DOCK2: variants seen among roughly 807,000 people sequenced by gnomAD.
The protein encoded by DOCK2 is dedicator of cytokinesis protein 2.
A neutral mutation model predicts 248.9 loss-of-function variants in DOCK2; 87 were observed. The ratio of observed to expected loss-of-function variants is 0.35; its 90% CI spans 0.29 to 0.42. DOCK2 has a LOEUF of 0.42. Ranked by LOEUF, DOCK2 falls within the 10% of genes least tolerant of loss-of-function variation. The probability of loss-of-function intolerance (pLI) is 1.00; values close to 1 mark genes in which losing one functional copy is unlikely to be tolerated. For missense variants in DOCK2, 1,747 were observed against 2,300.2 expected (o/e 0.76, Z 4.92); for synonymous variants, 805 against 821.6 (o/e 0.98, Z 0.35).
At chr5:169,674,520 T>C in intron 6 of DOCK2, 75 bp downstream of exon 6, 2 of 1,566,802 alleles carry the variant, frequency 1.3e-6, no homozygotes, top group Middle Eastern at 1.7e-4. Context: ...CCCAGAAGCT[T>C]GTTTTCATTT....
At chr5:170,008,651 A>C in intron 31 of DOCK2, 37 bp from the exon 32 acceptor site, 1 of 1,614,056 alleles carries the variant, frequency 6.2e-7, no homozygotes. Context: ...AGATCCTCTG[A>C]GATGGTGCCT....
chr5:170,049,677 T>G (rs1756846201), intron 40 of DOCK2, among the ~76,000 whole-genome samples: 1 of 152,132 alleles, frequency 6.6e-6, no homozygotes, highest in African/African-American at 2.4e-5. Context: ...ACCCCGTAGG[T>G]TCTAGTAGCA....
At chr5:169,654,804 G>C (rs549011070) in intron 2 of DOCK2, among the ~76,000 whole-genome samples, 38 of 152,288 alleles carry the variant, frequency 2.5e-4, no homozygotes, top group Admixed American at 9.8e-4. Context: ...AGGGAAATAA[G>C]CATCATTAGG....
At chr5:169,927,853 T>TGAG (rs1775549505) in intron 27 of DOCK2, among the ~76,000 whole-genome samples, 1 of 152,146 alleles carries the variant, frequency 6.6e-6, no homozygotes, top group Non-Finnish European at 1.5e-5. Context: ...CCTGACCTCA[T>TGAG]GATCCACCCG....
chr5:170,017,189 G>A (rs1341745858), intron 32 of DOCK2, among the ~76,000 whole-genome samples: 1 of 152,094 alleles, frequency 6.6e-6, no homozygotes, highest in African/African-American at 2.4e-5. Flanking sequence ...CCTTGTCTGA[G>A]CTTTAATCGC....
intron 27 of DOCK2, among the ~76,000 whole-genome samples, chr5:169,901,662 T>A (rs1260734334): frequency 6.6e-6 from 1 of 152,048 alleles, no homozygotes; most frequent in Non-Finnish European, 1.5e-5. Context: ...AGTATTACAT[T>A]AGTTAGAGTT....
intron 29 of DOCK2, among the ~76,000 whole-genome samples, chr5:169,993,121 A>T (rs1168242291): frequency 6.6e-6 from 1 of 152,262 alleles, no homozygotes; most frequent in East Asian, 1.9e-4. Flanking sequence ...ATAATGTGAC[A>T]GGCACTCAAT....
chr5:169,800,864 T>A (rs918053613), intron 25 of DOCK2, among the ~76,000 whole-genome samples: 1 of 151,974 alleles, frequency 6.6e-6, no homozygotes, highest in Non-Finnish European at 1.5e-5. Context: ...GGCAGCCTCC[T>A]TGGGGCACTT....
chr5:169,709,722 G>GA (rs34212031), intron 15 of DOCK2, among the ~76,000 whole-genome samples: 1,521 of 147,512 alleles, frequency 0.01, 28 homozygotes, highest in African/African-American at 0.032. Flanking sequence ...CTCCTTCTCA[G>GA]AAAAAAAAAA....
intron 6 of DOCK2, among the ~76,000 whole-genome samples, chr5:169,679,694 C>G (rs1004417161): frequency 1.3e-5 from 2 of 152,194 alleles, no homozygotes; most frequent in Non-Finnish European, 2.9e-5. Context: ...GTTTCTTCCC[C>G]CTTAGCATTG....
intron 47 of DOCK2, among the ~76,000 whole-genome samples, chr5:170,076,579 TC>T (rs1757849033): frequency 6.6e-6 from 1 of 152,218 alleles, no homozygotes; most frequent in African/African-American, 2.4e-5. Context: ...ACCGCTGAGC[TC>T]CTTGGCCTAA....
intron 15 of DOCK2, among the ~76,000 whole-genome samples, chr5:169,710,041 A>T (rs1761489787): frequency 6.6e-6 from 1 of 152,256 alleles, no homozygotes; most frequent in South Asian, 2.1e-4. Context: ...TGAACAACAT[A>T]TGAGAATATA....
At chr5:169,758,600 C>G (rs1011037075) in intron 23 of DOCK2, among the ~76,000 whole-genome samples, 1 of 152,188 alleles carries the variant, frequency 6.6e-6, no homozygotes, top group African/African-American at 2.4e-5. Flanking sequence ...TGCAGCCTGC[C>G]TGAATTTGAA....
At chr5:169,650,405 A>G (rs771434680) in intron 1 of DOCK2, among the ~76,000 whole-genome samples, 1 of 152,144 alleles carries the variant, frequency 6.6e-6, no homozygotes, top group Admixed American at 6.5e-5. Flanking sequence ...CAGTTTCCTT[A>G]TATATAAATC....
chr5:169,820,846 A>G (rs1178847595), intron 26 of DOCK2, among the ~76,000 whole-genome samples: 7 of 152,232 alleles, frequency 4.6e-5, no homozygotes, highest in Non-Finnish European at 1.0e-4. Context: ...GTTCGAACCA[A>G]TGGCAAAGAA....
intron 9 of DOCK2, among the ~76,000 whole-genome samples, chr5:169,692,269 A>G (rs1760350910): frequency 6.6e-6 from 1 of 152,228 alleles, no homozygotes; most frequent in Non-Finnish European, 1.5e-5. Context: ...AACACACAGG[A>G]AACAAGAGTG....
intron 49 of DOCK2, 28 bp from the exon 50 acceptor site, chr5:170,080,135 T>G (rs753573650): frequency 1.2e-6 from 2 of 1,613,546 alleles, no homozygotes; most frequent in Non-Finnish European, 1.7e-6. Flanking sequence ...TTTGTGTGTG[T>G]GTGTGTGTGT....
In DOCK2 at chr5:170,034,544, G is replaced by A. The variant is rs1357611971; in HGVS notation, c.3613G>A (p.Val1205Met). 8.1e-6 allele frequency: 13 copies of A among 1,614,098 alleles called. No homozygotes were observed. Among genetic ancestry groups the A allele is most frequent in the Admixed American group, 1.7e-5 (1 of 60,036 alleles). The change falls in exon 35 of 52, where the codon GTG becomes ATG. Residue 1205 changes from valine (V) to methionine (M), a missense_variant. By Grantham distance (21) the Val-to-Met change is conservative. This residue lies in a region of DOCK2 where 858 missense variants were observed against 1,183.5 expected (regional missense o/e 0.72). Transcript: ENST00000520908. ...ESKDNRMSCT[V>M]NLLNFYKDNN... is the part of the protein sequence containing the mutation. ...CAAAGACAACCGCATGAGCTGCACC[G>A]TGAACCTGCTGGTGCGTGGGGCTGG... is the stretch of plus-strand genomic sequence containing the variant.
intron 27 of DOCK2, among the ~76,000 whole-genome samples, chr5:169,880,068 A>G (rs1347900345): frequency 2.0e-5 from 3 of 152,228 alleles, no homozygotes; most frequent in African/African-American, 7.2e-5. Context: ...AAGTTAGAAG[A>G]TATAAAAAAA....
Sources: allele counts gnomAD v4.1 joint callset (sites outside exome capture counted in the v4.1 genomes callset), GRCh38; gene constraint gnomAD v4.1.1; regional missense constraint gnomAD v4.1.1; transcripts MANE v1.5; gene names NCBI Gene and HGNC (gene_info 2026-07-23, HGNC 2026-07-21).